F13A1: variants seen among roughly 807,000 people sequenced by gnomAD.
F13A1 encodes FSF, A subunit.
F13A1 carries 47 observed loss-of-function variants against 80.1 expected under a neutral mutation model. The ratio of observed to expected loss-of-function variants is 0.59; its 90% CI spans 0.46 to 0.75. The LOEUF (loss-of-function observed/expected upper bound fraction) is 0.75, where lower values mean the gene tolerates loss of function less well. Ranked by LOEUF, F13A1 falls within the 30% of genes least tolerant of loss-of-function variation. The pLI is 0.00. For missense variants in F13A1, 817 were observed against 930.4 expected, an observed-to-expected ratio of 0.88 and a Z score of 1.59; for synonymous variants, 349 against 344.9, an observed-to-expected ratio of 1.01 and a Z score of -0.13.
chr6:6,300,984 G>A (rs187216937), intron 3 of F13A1, among the ~76,000 whole-genome samples: 284 of 152,042 alleles, frequency 1.9e-3, no homozygotes, highest in African/African-American at 6.2e-3. Flanking sequence ...ATTCTTTTTC[G>A]TTTTTAAACC....
chr6:6,152,172 C>A (rs1760391252), intron 13 of F13A1, among the ~76,000 whole-genome samples: 2 of 152,096 alleles, frequency 1.3e-5, no homozygotes, highest in Admixed American at 6.5e-5. Flanking sequence ...ATTATAAAAC[C>A]AGCCTAATTA....
chr6:6,224,895 G>A (rs1257989435), intron 6 of F13A1, 35 bp from the exon 7 acceptor site: 1 of 1,612,288 alleles, frequency 6.2e-7, no homozygotes, highest in Non-Finnish European at 8.5e-7. Context: ...AAGGAAGAAA[G>A]TTCATTTAGG....
chr6:6,278,299 G>C (rs1349812041), intron 3 of F13A1, among the ~76,000 whole-genome samples: 2 of 152,172 alleles, frequency 1.3e-5, no homozygotes, highest in African/African-American at 4.8e-5. Flanking sequence ...AAAATGACTA[G>C]AGCAGCTTAA....
chr6:6,314,916 C>A (rs1758657775), intron 2 of F13A1, among the ~76,000 whole-genome samples: 1 of 152,188 alleles, frequency 6.6e-6, no homozygotes, highest in South Asian at 2.1e-4. Context: ...GTTTACTCTG[C>A]ACAAAGAGGA....
chr6:6,223,923 CATTACCAGTG>C (rs1757236311), intron 7 of F13A1, among the ~76,000 whole-genome samples: 1 of 152,134 alleles, frequency 6.6e-6, no homozygotes, highest in African/African-American at 2.4e-5. Context: ...GAATGAAAAT[CATTACCAGTG>C]ATGAAGACAT....
At chr6:6,232,574 G>A (rs1297038148) in intron 6 of F13A1, among the ~76,000 whole-genome samples, 3 of 152,070 alleles carry the variant, frequency 2.0e-5, no homozygotes, top group Non-Finnish European at 4.4e-5. Context: ...AGAAACAATA[G>A]ATTTAAACTA....
intron 3 of F13A1, among the ~76,000 whole-genome samples, chr6:6,269,686 C>T (rs1400331140): frequency 1.3e-5 from 2 of 151,626 alleles, no homozygotes; most frequent in African/African-American, 2.4e-5. Context: ...CCAAATGTAG[C>T]TTACCTACTG....
At chr6:6,232,923 C>G (rs916221959) in intron 6 of F13A1, among the ~76,000 whole-genome samples, 1 of 152,016 alleles carries the variant, frequency 6.6e-6, no homozygotes, top group Non-Finnish European at 1.5e-5. Flanking sequence ...AATGACACAA[C>G]TTATCAAAGC....
Position 6,305,336 on chromosome 6 carries a change from G to C in F13A1, c.319+15C>G. 6.2e-7 allele frequency: 1 copy of C among 1,614,094 alleles called. No homozygotes were observed. The highest frequency in any genetic ancestry group is 1.1e-5 in the South Asian group (1 of 91,076). On this transcript the variant is annotated intron_variant, in intron 3 of 14. Coordinates refer to ENST00000264870, the MANE Select transcript of F13A1 (RefSeq NM_000129.4). ...ACCCATGGTGTCAAGACTGGAGCTT[G>C]CACATGGCACTCACCAATGACGTAT... is the stretch of plus-strand genomic sequence containing the variant.
At chr6:6,309,884 C>T (rs1758566068) in intron 2 of F13A1, among the ~76,000 whole-genome samples, 1 of 152,214 alleles carries the variant, frequency 6.6e-6, no homozygotes, top group Non-Finnish European at 1.5e-5. Flanking sequence ...TACCCTCCCT[C>T]CCTGCATGAT....
intron 8 of F13A1, among the ~76,000 whole-genome samples, chr6:6,211,853 T>C (rs967110150): frequency 3.3e-5 from 5 of 152,206 alleles, no homozygotes; most frequent in African/African-American, 1.2e-4. Flanking sequence ...GGGTGAGGCA[T>C]TGCCTCACTC....
intron 10 of F13A1, among the ~76,000 whole-genome samples, chr6:6,190,179 G>A (rs974745036): frequency 3.0e-4 from 45 of 151,862 alleles, no homozygotes; most frequent in African/African-American, 8.0e-4. Flanking sequence ...ATGTCCTCCC[G>A]TAGCTCAGAG....
intron 11 of F13A1, among the ~76,000 whole-genome samples, chr6:6,176,260 A>G (rs1212434930): frequency 1.3e-5 from 2 of 152,234 alleles, no homozygotes; most frequent in South Asian, 2.1e-4. Flanking sequence ...ATAAAATGCA[A>G]TGGTGACTGA....
In F13A1 at chr6:6,174,614, C is replaced by T. The variant is rs1187216477; in HGVS notation, c.1713G>A (p.Lys571=). The change falls in exon 12 of 15, where the codon AAG becomes AAA. Residue 571 remains lysine (K), a synonymous_variant. Coordinates refer to ENST00000264870, the MANE Select transcript of F13A1 (RefSeq NM_000129.4). ...YTGVPKAEFK[K]ETFDVTLEPL... ...GCTCCAGCGTCACGTCGAACGTCTC[C>T]TTCTTGAATTCTGCCTTCGGGACCC... 1.9e-6 allele frequency: 3 copies of T among 1,614,122 alleles called. No homozygotes were observed. The highest frequency in any genetic ancestry group is 4.5e-5 in the East Asian group (2 of 44,854).
intron 3 of F13A1, among the ~76,000 whole-genome samples, chr6:6,282,138 A>G (rs1390178642): frequency 6.6e-6 from 1 of 152,218 alleles, no homozygotes; most frequent in African/African-American, 2.4e-5. Flanking sequence ...TAAAATACTA[A>G]TGAGCACACC....
chr6:6,240,929 TA>T (rs1757476126), intron 6 of F13A1, among the ~76,000 whole-genome samples: 2 of 152,192 alleles, frequency 1.3e-5, no homozygotes, highest in African/African-American at 2.4e-5. Flanking sequence ...AAAATCTTTT[TA>T]GAGTTGGTAA....
chr6:6,305,459 C>A lies in F13A1; in HGVS notation c.211G>T (p.Glu71Ter). 1 of 1,614,242 alleles carries A rather than the reference C, an allele frequency of 6.2e-7. No individual in the cohort carries two copies. The highest frequency in any genetic ancestry group is 1.3e-5 in the African/African-American group (1 of 75,056). Residue 71 changes from glutamate (E) to a stop codon, truncating the protein, a stop_gained, in exon 3 of 15, where the codon GAA becomes TAA. Transcript: ENST00000264870. LOFTEE classifies it high-confidence loss of function. Reference sequence around the variant, plus strand: ...CTGCGGACAATCAGCTTGTTGTTTTCATACTTGTCAGTGTGGTGGTCCACC... The same window carrying A: ...CTGCGGACAATCAGCTTGTTGTTTTAATACTTGTCAGTGTGGTGGTCCACC... ...NKVDHHTDKY[E>*]NNKLIVRRGQ...
In F13A1 at chr6:6,259,541, A is replaced by C. The variant is rs751620652; in HGVS notation, c.571+7017T>G. On this transcript the variant is annotated intron_variant, in intron 4 of 14. Transcript: ENST00000264870. Reference sequence around the variant, plus strand: ...GATGCTAATTTGGTGTCAGATGCTAAGAGATAGAGAAATCCACACACACAT... The same window carrying C: ...GATGCTAATTTGGTGTCAGATGCTACGAGATAGAGAAATCCACACACACAT... Among the ~76,000 whole-genome samples, 3 of 152,198 alleles carry C rather than the reference A, an allele frequency of 2.0e-5. No homozygotes were observed. The South Asian group carries it at 6.2e-4, about 32-fold the overall frequency.
chr6:6,159,413 A>G (rs534938470), intron 13 of F13A1, among the ~76,000 whole-genome samples: 14 of 152,188 alleles, frequency 9.2e-5, no homozygotes, highest in Non-Finnish European at 1.8e-4. Flanking sequence ...AGAACACAAC[A>G]TTAGGATGGT....
Sources: allele counts gnomAD v4.1 joint callset (sites outside exome capture counted in the v4.1 genomes callset), GRCh38; gene constraint gnomAD v4.1.1; transcripts MANE v1.5; gene names NCBI Gene and HGNC (gene_info 2026-07-23, HGNC 2026-07-21).